Variants in GMDS observed in about 807,000 individuals in gnomAD.
GMDS encodes GDP-mannose 4,6 dehydratase.
Under a neutral mutation model 49.9 loss-of-function variants are expected in GMDS, and 20 were observed. The ratio of observed to expected loss-of-function variants is 0.40; its 90% CI spans 0.28 to 0.58. The LOEUF (loss-of-function observed/expected upper bound fraction) is 0.58, where lower values mean the gene tolerates loss of function less well. Among genes scored for constraint, GMDS ranks in the 20% least tolerant of loss-of-function variants. GMDS has a pLI of 0.42. For synonymous variants in GMDS, 177 were observed against 178.6 expected, an observed-to-expected ratio of 0.99 and a Z score of 0.07; for missense variants, 362 against 481.4, an observed-to-expected ratio of 0.75 and a Z score of 2.32.
At chr6:2,163,313 T>C (rs777194366) in intron 1 of GMDS, among the ~76,000 whole-genome samples, 4 of 152,200 alleles carry the variant, frequency 2.6e-5, no homozygotes, top group Non-Finnish European at 5.9e-5. Flanking sequence ...ACTCACATCA[T>C]GTGGGATTCT....
intron 4 of GMDS, among the ~76,000 whole-genome samples, chr6:2,018,776 G>A (rs1768061318): frequency 1.3e-5 from 2 of 152,056 alleles, no homozygotes; most frequent in South Asian, 4.2e-4. Context: ...TGGCTATTAT[G>A]AATAATGCTG....
intron 7 of GMDS, among the ~76,000 whole-genome samples, chr6:1,762,994 A>T (rs1388835478): frequency 6.6e-6 from 1 of 152,246 alleles, no homozygotes; most frequent in Admixed American, 6.5e-5. Flanking sequence ...TAGTGTATGT[A>T]CAAGCAGAAT....
At chr6:1,986,333 G>A in intron 4 of GMDS, among the ~76,000 whole-genome samples, 1 of 152,138 alleles carries the variant, frequency 6.6e-6, no homozygotes, top group South Asian at 2.1e-4. Flanking sequence ...TACGAAAACA[G>A]TGTGCTTCCC....
chr6:1,734,978 G>A (rs994454594), intron 8 of GMDS, among the ~76,000 whole-genome samples: 1 of 152,208 alleles, frequency 6.6e-6, no homozygotes, highest in African/African-American at 2.4e-5. Flanking sequence ...GCGTGTCCAC[G>A]CTACCTCGCA....
At chr6:2,218,085 G>A (rs1426000840) in intron 1 of GMDS, among the ~76,000 whole-genome samples, 1 of 152,072 alleles carries the variant, frequency 6.6e-6, no homozygotes, top group Non-Finnish European at 1.5e-5. Flanking sequence ...GCCCCAAAAC[G>A]CCTTCCAAAC....
chr6:1,918,578 T>C (rs1214909519), intron 7 of GMDS, among the ~76,000 whole-genome samples: 1 of 151,764 alleles, frequency 6.6e-6, no homozygotes, highest in Non-Finnish European at 1.5e-5. Flanking sequence ...AGGCCTCATC[T>C]CTACTAAAAA....
intron 7 of GMDS, among the ~76,000 whole-genome samples, chr6:1,818,747 T>A (rs920994733): frequency 1.3e-5 from 2 of 152,068 alleles, no homozygotes; most frequent in African/African-American, 4.8e-5. Context: ...TACATACATG[T>A]AATAAATATA....
chr6:1,813,992 G>A (rs577753764), intron 7 of GMDS, among the ~76,000 whole-genome samples: 1 of 152,260 alleles, frequency 6.6e-6, no homozygotes, highest in Admixed American at 6.5e-5. Flanking sequence ...CATTATGAGA[G>A]CTGTGCTGTA....
intron 1 of GMDS, among the ~76,000 whole-genome samples, chr6:2,135,088 A>C (rs563029771): frequency 6.6e-6 from 1 of 152,316 alleles, no homozygotes; most frequent in East Asian, 1.9e-4. Flanking sequence ...TTTAATTCTA[A>C]TTACAGTGTT....
At chr6:2,184,204 T>C (rs1161311554) in intron 1 of GMDS, among the ~76,000 whole-genome samples, 1 of 152,214 alleles carries the variant, frequency 6.6e-6, no homozygotes. Context: ...ATCTCTCGCC[T>C]GACTACTGTA....
At chr6:1,657,145 G>A (rs1763909330) in intron 9 of GMDS, among the ~76,000 whole-genome samples, 2 of 152,212 alleles carry the variant, frequency 1.3e-5, no homozygotes, top group Non-Finnish European at 1.5e-5. Flanking sequence ...GGCTGACCAC[G>A]AATCCTCTTA....
At chr6:1,864,340 A>G (rs1193345379) in intron 7 of GMDS, among the ~76,000 whole-genome samples, 2 of 152,222 alleles carry the variant, frequency 1.3e-5, no homozygotes, top group African/African-American at 4.8e-5. Flanking sequence ...GAACCATGAC[A>G]AAGGAAAAAT....
chr6:1,680,714 T>A (rs191843111), intron 9 of GMDS, among the ~76,000 whole-genome samples: 123 of 152,332 alleles, frequency 8.1e-4, no homozygotes, highest in Non-Finnish European at 1.2e-3. Context: ...CAGAGCCACA[T>A]AATGGTTTGC....
intron 1 of GMDS, among the ~76,000 whole-genome samples, chr6:2,151,785 C>A (rs1176311109): frequency 6.6e-6 from 1 of 152,074 alleles, no homozygotes; most frequent in Non-Finnish European, 1.5e-5. Flanking sequence ...GTAAATTTTT[C>A]TTTAAATCCA....
chr6:1,902,449 G>C (rs1180944484), intron 7 of GMDS, among the ~76,000 whole-genome samples: 6 of 152,114 alleles, frequency 3.9e-5, no homozygotes, highest in Non-Finnish European at 8.8e-5. Flanking sequence ...CTAGAGGAAA[G>C]GCCTTAAAAA....
chr6:2,110,204 A>C (rs2127494734), intron 4 of GMDS, among the ~76,000 whole-genome samples: 1 of 150,766 alleles, frequency 6.6e-6, no homozygotes. Flanking sequence ...CTTCCCCCCC[A>C]TAATGCAATT....
intron 6 of GMDS, among the ~76,000 whole-genome samples, chr6:1,931,780 T>A (rs1762297242): frequency 6.6e-6 from 1 of 152,232 alleles, no homozygotes; most frequent in African/African-American, 2.4e-5. Context: ...ACATTTCAGA[T>A]TAACCTGTTT....
intron 1 of GMDS, among the ~76,000 whole-genome samples, chr6:2,166,861 A>G (rs1306430554): frequency 6.6e-6 from 1 of 151,778 alleles, no homozygotes; most frequent in East Asian, 1.9e-4. Context: ...CAAAACCCCA[A>G]CTCTGCCATC....
At chr6:1,773,625 A>G (rs1938490015) in intron 7 of GMDS, among the ~76,000 whole-genome samples, 1 of 152,180 alleles carries the variant, frequency 6.6e-6, no homozygotes, top group Non-Finnish European at 1.5e-5. Flanking sequence ...GCCTGTGCTG[A>G]GCAGCATCGA....
Sources: allele counts gnomAD v4.1 joint callset (sites outside exome capture counted in the v4.1 genomes callset), GRCh38; gene constraint gnomAD v4.1.1; transcripts MANE v1.5; gene names NCBI Gene and HGNC (gene_info 2026-07-23, HGNC 2026-07-21).